ANKRD30A: variants seen among roughly 807,000 people sequenced by gnomAD.
The protein encoded by ANKRD30A is ankyrin repeat domain 30A.
A neutral mutation model predicts 166.3 loss-of-function variants in ANKRD30A; 170 were observed. The observed-to-expected ratio is 1.02, with a 90% CI of 0.90 to 1.16. ANKRD30A has a LOEUF of 1.16. ANKRD30A is among the 50% of genes most tolerant of loss of function. The pLI, the probability that ANKRD30A is intolerant of heterozygous loss-of-function variation, is 0.00. For missense variants in ANKRD30A, 1,630 were observed against 1,518.0 expected, an observed-to-expected ratio of 1.07 and a Z score of -1.23; for synonymous variants, 564 against 508.9, an observed-to-expected ratio of 1.11 and a Z score of -1.46.
rs1394879525 is a variant in ANKRD30A at position 37,141,887 on chromosome 10, C to T, written c.990C>T (p.Ser330=). The T allele has an allele frequency of 2.8e-5, 45 of 1,614,102 alleles. No homozygotes were observed. Among genetic ancestry groups the T allele is most frequent in the Non-Finnish European group, 3.8e-5 (45 of 1,180,018 alleles). ...AAAAAACACCTGATGAGGCTGCATCCTTGGTGGAGGGAACATCTGACAAAA... is the reference window on the plus strand; with the variant it reads ...AAAAAACACCTGATGAGGCTGCATCTTTGGTGGAGGGAACATCTGACAAAA... ...LVEKTPDEAA[S]LVEGTSDKIQ... The change falls in exon 7 of 36, where the codon TCC becomes TCT. Residue 330 remains serine (S), a synonymous_variant. Transcript: ENST00000361713.
At chr10:37,154,063 G>A (rs1838171726) in intron 13 of ANKRD30A, among the ~76,000 whole-genome samples, 1 of 152,082 alleles carries the variant, frequency 6.6e-6, no homozygotes, top group African/African-American at 2.4e-5. Context: ...TTAGAAATTT[G>A]GGAAGAATAT....
At chr10:37,232,652 TTTTATATATATATATATATATATA>T (rs1377271565), downstream of ANKRD30A, 3 of 22,190 alleles carry the variant, frequency 1.4e-4, no homozygotes, top group African/African-American at 1.6e-4. Flanking sequence ...GAAGCATTGG[TTTTATATATATATATATATATATA>T]TATATATATA....
Position 37,197,286 on chromosome 10 carries a change from C to G in ANKRD30A, c.2620C>G (p.Pro874Ala), listed in dbSNP as rs1207965274. Residue 874 changes from proline to alanine, a missense_variant, in exon 28 of 36, where the codon CCC becomes GCC. Coordinates refer to ENST00000361713, the MANE Select transcript of ANKRD30A (RefSeq NM_052997.3). ...AAATCTCTTTTGCTTTTTAGAGCCT[C>G]CCGAGAAGCCATCTGCCTTCGAGGT... ...MDMQTFKAEPPEKPSAFEPAI... is the reference protein window; with the variant it reads ...MDMQTFKAEPAEKPSAFEPAI... 6 of 1,613,032 alleles carry G rather than the reference C, an allele frequency of 3.7e-6. No individual in the cohort carries two copies. In the African/African-American group the frequency reaches 8.0e-5, roughly 22 times the overall value.
In ANKRD30A at chr10:37,128,257, C is replaced by T. The variant is rs538840852; in HGVS notation, c.222-1636C>T. The stretch of plus-strand genomic sequence containing the variant: ...TCCTTTTTATTATCTTTGATTTATG[C>T]ATTGAGCATGTACAATGCTATTAGT... On this transcript the variant is annotated intron_variant, in intron 1 of 35. Transcript: ENST00000361713. Among the ~76,000 whole-genome samples the T allele has an allele frequency of 2.0e-5, 3 of 152,010 alleles. No individual in the cohort carries two copies. In the East Asian group the frequency reaches 5.8e-4, roughly 29 times the overall value.
chr10:37,162,565 C>A, intron 15 of ANKRD30A, 84 bp from the exon 16 acceptor site: 2 of 1,546,934 alleles, frequency 1.3e-6, no homozygotes, highest in Non-Finnish European at 1.8e-6. Flanking sequence ...CAAGAGGAGT[C>A]AGTTAAATAC....
chr10:37,216,333 G>T lies in ANKRD30A; in HGVS notation c.3022G>T (p.Glu1008Ter), dbSNP rs1564583067. 1 of 1,608,450 alleles carries T rather than the reference G, an allele frequency of 6.2e-7. No homozygotes were observed. Among genetic ancestry groups the T allele is most frequent in the Non-Finnish European group, 8.5e-7 (1 of 1,176,416 alleles). The change falls in exon 32 of 36, where the codon GAA (glutamate) becomes TAA (stop). Residue 1008 changes from glutamate (E) to a stop codon, truncating the protein, a stop_gained. Transcript: ENST00000361713. LOFTEE classifies it high-confidence loss of function. Reference sequence around the variant, plus strand: ...GAAAAAGAAACTGTCAGAAGCAAAAGAAATAAAATCACAGTTAGAGAACCA... The same window carrying T: ...GAAAAAGAAACTGTCAGAAGCAAAATAAATAAAATCACAGTTAGAGAACCA... ...VLKKKLSEAK[E>*]IKSQLENQKV...
intron 18 of ANKRD30A, among the ~76,000 whole-genome samples, chr10:37,166,294 A>G (rs1450575816): frequency 1.3e-5 from 2 of 152,190 alleles, no homozygotes; most frequent in African/African-American, 4.8e-5. Flanking sequence ...CTAGAACATA[A>G]GTTAGATATT....
chr10:37,237,197 G>A (rs1453564336), downstream of ANKRD30A, among the ~76,000 whole-genome samples: 1 of 152,208 alleles, frequency 6.6e-6, no homozygotes, highest in Non-Finnish European at 1.5e-5. Flanking sequence ...TCAGACGGAA[G>A]ACCTAAAGCC....
intron 31 of ANKRD30A, among the ~76,000 whole-genome samples, chr10:37,207,697 G>T (rs558639709): frequency 6.6e-6 from 1 of 151,458 alleles, no homozygotes; most frequent in Non-Finnish European, 1.5e-5. Flanking sequence ...TGGTGCATTA[G>T]AAAGAGACTA....
chr10:37,247,515 A>G, the ANKRD30A span, among the ~76,000 whole-genome samples: 3 of 152,034 alleles, frequency 2.0e-5, no homozygotes, highest in Non-Finnish European at 4.4e-5. Flanking sequence ...ATGGACACAT[A>G]GAGAGGAACA....
At chr10:37,259,069 A>C in the ANKRD30A span, among the ~76,000 whole-genome samples, 1 of 151,960 alleles carries the variant, frequency 6.6e-6, no homozygotes, top group Admixed American at 6.6e-5. Flanking sequence ...AGCATTAACT[A>C]TAAAGAAAAA....
At chr10:37,209,177 A>G (rs77768028) in intron 31 of ANKRD30A, among the ~76,000 whole-genome samples, 9,145 of 152,222 alleles carry the variant, frequency 0.06, 395 homozygotes, top group Middle Eastern at 0.11. Flanking sequence ...TCTGGTTTTG[A>G]TTTAGAGTAA....
chr10:37,133,692 C>A (rs1457844288), intron 4 of ANKRD30A, among the ~76,000 whole-genome samples: 2 of 152,186 alleles, frequency 1.3e-5, no homozygotes, highest in Non-Finnish European at 2.9e-5. Flanking sequence ...TTTCTTGCCT[C>A]TCAAAGGACT....
chr10:37,197,265 C>G lies in ANKRD30A; in HGVS notation c.2615-16C>G, dbSNP rs759915968. The G allele has an allele frequency of 3.1e-6, 5 of 1,610,932 alleles. No individual in the cohort carries two copies. In the African/African-American group the frequency reaches 5.3e-5, roughly 17 times the overall value. ...TATTTACTTATGATTGATGATAAAT[C>G]TCTTTTGCTTTTTAGAGCCTCCCGA... On this transcript the variant is annotated splice_polypyrimidine_tract_variant and intron_variant, in intron 27 of 35. Coordinates refer to ENST00000361713, the MANE Select transcript of ANKRD30A (RefSeq NM_052997.3).
intron 34 of ANKRD30A, among the ~76,000 whole-genome samples, chr10:37,223,461 C>A (rs568479472): frequency 6.6e-6 from 1 of 151,264 alleles, no homozygotes; most frequent in African/African-American, 2.4e-5. Flanking sequence ...AATGAACAAA[C>A]CTGGAATATT....
At chr10:37,179,045 TATATATATATATATATATAG>T (rs1258634001) in intron 24 of ANKRD30A, among the ~76,000 whole-genome samples, 6 of 136,230 alleles carry the variant, frequency 4.4e-5, no homozygotes, top group African/African-American at 1.6e-4. Context: ...TATATATATA[TATATATATATATATATATAG>T]ATGTGTGCAT....
intron 6 of ANKRD30A, among the ~76,000 whole-genome samples, chr10:37,141,109 T>C (rs1458523430): frequency 1.3e-5 from 2 of 152,204 alleles, no homozygotes; most frequent in Non-Finnish European, 2.9e-5. Context: ...GTATTAAGCA[T>C]TTTTCTTGTT....
At chr10:37,143,147 G>C (rs1203971945) in intron 7 of ANKRD30A, among the ~76,000 whole-genome samples, 1 of 152,066 alleles carries the variant, frequency 6.6e-6, no homozygotes, top group Non-Finnish European at 1.5e-5. Flanking sequence ...ATGGGATTGG[G>C]GTAATGGAAT....
the ANKRD30A span, among the ~76,000 whole-genome samples, chr10:37,255,978 C>G: frequency 4.6e-5 from 7 of 152,314 alleles, 2 homozygotes; most frequent in South Asian, 4.1e-4. Context: ...CTGTGTTTAT[C>G]TGCTCCTTGG....
Sources: gnomAD v4.1 joint callset for allele counts (sites outside exome capture counted in the v4.1 genomes callset) on GRCh38, gnomAD v4.1.1 for gene constraint, MANE v1.5 for transcripts, NCBI Gene and HGNC (gene_info 2026-07-23, HGNC 2026-07-21) for gene names.